The following MAGI2 variants were observed in gnomAD, a reference collection of about 807,000 sequenced individuals.
The protein encoded by MAGI2 is membrane-associated guanylate kinase, WW and PDZ domain-containing protein 2.
In MAGI2, 35 loss-of-function variants were observed where a neutral mutation model predicts 133.3. The observed-to-expected ratio is 0.26, with a 90% CI of 0.20 to 0.35. The LOEUF (loss-of-function observed/expected upper bound fraction) is 0.35, where lower values mean the gene tolerates loss of function less well. Among genes scored for constraint, MAGI2 ranks in the 10% least tolerant of loss-of-function variants. MAGI2 has a pLI of 1.00. For missense variants in MAGI2, 1,636 were observed against 1,863.4 expected (o/e 0.88, Z 2.25); for synonymous variants, 729 against 710.6 (o/e 1.03, Z -0.41).
intron 7 of MAGI2, among the ~76,000 whole-genome samples, chr7:78,351,279 G>A (rs1000620289): frequency 3.9e-5 from 6 of 151,982 alleles, no homozygotes. Context: ...GGCTTAGGTG[G>A]GCAGATTGCC....
chr7:78,642,985 C>T (rs1810468188), intron 2 of MAGI2, among the ~76,000 whole-genome samples: 1 of 152,082 alleles, frequency 6.6e-6, no homozygotes, highest in African/African-American at 2.4e-5. Context: ...ATGTGGGCAG[C>T]CACCACTTGG....
intron 2 of MAGI2, among the ~76,000 whole-genome samples, chr7:78,701,043 A>G (rs1818018069): frequency 1.3e-5 from 2 of 151,478 alleles, no homozygotes; most frequent in African/African-American, 2.4e-5. Context: ...AGTCTACAAT[A>G]TATTTTGTTT....
intron 6 of MAGI2, among the ~76,000 whole-genome samples, chr7:78,385,566 C>T (rs529708908): frequency 2.0e-5 from 3 of 152,186 alleles, no homozygotes; most frequent in African/African-American, 4.8e-5. Flanking sequence ...AAAGTAATGT[C>T]CAAATTCAAC....
At chr7:78,648,087 T>C (rs901553648) in intron 2 of MAGI2, among the ~76,000 whole-genome samples, 1 of 152,164 alleles carries the variant, frequency 6.6e-6, no homozygotes, top group African/African-American at 2.4e-5. Context: ...ATGGCACATG[T>C]ATACCTATGT....
intron 2 of MAGI2, among the ~76,000 whole-genome samples, chr7:78,737,269 A>G (rs1046399092): frequency 1.3e-5 from 2 of 152,238 alleles, no homozygotes; most frequent in South Asian, 4.1e-4. Context: ...AAATGTGTCA[A>G]CATTAGAAAG....
intron 2 of MAGI2, among the ~76,000 whole-genome samples, chr7:78,667,034 T>G (rs1563323663): frequency 6.6e-6 from 1 of 152,154 alleles, no homozygotes; most frequent in Non-Finnish European, 1.5e-5. Context: ...TTATTTTAAT[T>G]AAACTTTTTA....
chr7:78,691,918 T>C (rs559295778), intron 2 of MAGI2, among the ~76,000 whole-genome samples: 2 of 152,174 alleles, frequency 1.3e-5, no homozygotes, highest in African/African-American at 2.4e-5. Context: ...GTGATAATGA[T>C]GTGTCAGTAA....
At chr7:79,214,584 A>G in intron 1 of MAGI2, among the ~76,000 whole-genome samples, 1 of 142,322 alleles carries the variant, frequency 7.0e-6, no homozygotes, top group Non-Finnish European at 1.5e-5. Flanking sequence ...TCGGATAGAG[A>G]CAGAGAGAGA....
At chr7:78,945,761 A>G (rs1174731442) in intron 2 of MAGI2, among the ~76,000 whole-genome samples, 1 of 152,090 alleles carries the variant, frequency 6.6e-6, no homozygotes, top group East Asian at 1.9e-4. Context: ...ACAAACCTCT[A>G]CATCTTTGCA....
chr7:79,004,808 C>G (rs947873103), intron 2 of MAGI2, among the ~76,000 whole-genome samples: 41 of 152,264 alleles, frequency 2.7e-4, no homozygotes, highest in African/African-American at 8.9e-4. Flanking sequence ...TTGGGCCGGG[C>G]GTGGTGGCTC....
At chr7:78,913,785 T>G (rs1798589378) in intron 2 of MAGI2, among the ~76,000 whole-genome samples, 2 of 152,176 alleles carry the variant, frequency 1.3e-5, no homozygotes, top group South Asian at 4.1e-4. Flanking sequence ...GATCTAAGTA[T>G]TTTATAAGTA....
At chr7:79,206,736 C>T (rs1419265732) in intron 1 of MAGI2, among the ~76,000 whole-genome samples, 4 of 151,728 alleles carry the variant, frequency 2.6e-5, no homozygotes, top group Non-Finnish European at 4.4e-5. Context: ...ACCACCCTGA[C>T]ACCAAAAGCA....
chr7:78,447,326 T>G (rs1221180949), intron 6 of MAGI2, among the ~76,000 whole-genome samples: 1 of 151,986 alleles, frequency 6.6e-6, no homozygotes, highest in Non-Finnish European at 1.5e-5. Flanking sequence ...ACCATTTTTT[T>G]GTGAACAAAT....
intron 2 of MAGI2, among the ~76,000 whole-genome samples, chr7:78,897,688 A>C (rs1797314969): frequency 6.6e-6 from 1 of 152,206 alleles, no homozygotes; most frequent in Non-Finnish European, 1.5e-5. Flanking sequence ...GTAGTTTAAT[A>C]GGAGTAGCAT....
chr7:78,317,133 T>C (rs1445729198), intron 9 of MAGI2, among the ~76,000 whole-genome samples: 1 of 152,236 alleles, frequency 6.6e-6, no homozygotes, highest in Non-Finnish European at 1.5e-5. Context: ...TTTTTTCTTT[T>C]GCATTTATTC....
chr7:78,955,034 G>T (rs1802177969), intron 2 of MAGI2, among the ~76,000 whole-genome samples: 1 of 151,930 alleles, frequency 6.6e-6, no homozygotes, highest in South Asian at 2.1e-4. Context: ...CTATAAAGAA[G>T]TCCTGTTGGC....
At chr7:79,198,819 C>G (rs1407482643) in intron 1 of MAGI2, among the ~76,000 whole-genome samples, 1 of 151,832 alleles carries the variant, frequency 6.6e-6, no homozygotes, top group East Asian at 1.9e-4. Context: ...ACCCAAGAGG[C>G]AGATGTTGTA....
intron 10 of MAGI2, among the ~76,000 whole-genome samples, chr7:78,217,912 A>C (rs768697735): frequency 1.3e-5 from 2 of 152,202 alleles, no homozygotes; most frequent in African/African-American, 4.8e-5. Context: ...GGTTCTTGGC[A>C]CATCATAATC....
intron 9 of MAGI2, among the ~76,000 whole-genome samples, chr7:78,267,717 T>C (rs1279396835): frequency 6.6e-6 from 1 of 152,160 alleles, no homozygotes; most frequent in Admixed American, 6.5e-5. Context: ...CATCTACTAC[T>C]TTCTCCATAG....
Sources: gnomAD v4.1 joint callset for allele counts (sites outside exome capture counted in the v4.1 genomes callset) on GRCh38, gnomAD v4.1.1 for gene constraint, MANE v1.5 for transcripts, NCBI Gene and HGNC (gene_info 2026-07-23, HGNC 2026-07-21) for gene names.